CLSTN2: variants seen among roughly 807,000 people sequenced by gnomAD.
CLSTN2 encodes the protein calsyntenin-2.
CLSTN2 carries 48 observed loss-of-function variants against 101.2 expected under a neutral mutation model. That is an observed-to-expected ratio of 0.47 (90% CI 0.38 to 0.60). CLSTN2 has a LOEUF of 0.60. CLSTN2 is among the 20% of genes least tolerant of loss of function. CLSTN2 has a pLI of 0.00. For synonymous variants in CLSTN2, 481 were observed against 463.6 expected, an observed-to-expected ratio of 1.04 and a Z score of -0.48; for missense variants, 1,160 against 1,238.2, an observed-to-expected ratio of 0.94 and a Z score of 0.95.
At chr3:140,522,328 T>G (rs1935047883) in intron 8 of CLSTN2, among the ~76,000 whole-genome samples, 1 of 151,382 alleles carries the variant, frequency 6.6e-6, no homozygotes, top group Non-Finnish European at 1.5e-5. Flanking sequence ...TAATTGGCCA[T>G]GTTGGCCCCC....
chr3:140,341,570 C>G (rs1427592135), intron 2 of CLSTN2, among the ~76,000 whole-genome samples: 1 of 152,204 alleles, frequency 6.6e-6, no homozygotes, highest in Non-Finnish European at 1.5e-5. Context: ...AAGAAGGTTT[C>G]TATCCAGCCA....
At chr3:140,559,336 C>A (rs920694744) in intron 12 of CLSTN2, among the ~76,000 whole-genome samples, 2 of 151,900 alleles carry the variant, frequency 1.3e-5, no homozygotes, top group Non-Finnish European at 2.9e-5. Flanking sequence ...AGAAGAAAAG[C>A]TAAAGATATA....
intron 4 of CLSTN2, among the ~76,000 whole-genome samples, chr3:140,410,438 A>C (rs2088350728): frequency 6.7e-6 from 1 of 150,132 alleles, no homozygotes; most frequent in Non-Finnish European, 1.5e-5. Flanking sequence ...CCTACCAACC[A>C]AGGGTACTTT....
chr3:140,185,457 G>A (rs974059760), intron 2 of CLSTN2, among the ~76,000 whole-genome samples: 4 of 152,122 alleles, frequency 2.6e-5, no homozygotes, highest in Admixed American at 6.5e-5. Context: ...GGCATGCTTC[G>A]TCGACAAGTA....
intron 1 of CLSTN2, among the ~76,000 whole-genome samples, chr3:140,102,485 C>T (rs2107790660): frequency 6.6e-6 from 1 of 152,280 alleles, no homozygotes; most frequent in South Asian, 2.1e-4. Flanking sequence ...GATCATGAGA[C>T]ATATTGCAAA....
At chr3:140,081,537 T>C (rs1038805181) in intron 1 of CLSTN2, among the ~76,000 whole-genome samples, 5 of 152,192 alleles carry the variant, frequency 3.3e-5, no homozygotes, top group Admixed American at 6.5e-5. Context: ...GAGAGGAAAT[T>C]GCTCAGTTTC....
chr3:140,242,652 C>T (rs146754175), intron 2 of CLSTN2, among the ~76,000 whole-genome samples: 3,235 of 152,308 alleles, frequency 0.021, 67 homozygotes, highest in South Asian at 0.048. Flanking sequence ...CCTTCTCCTG[C>T]GGGCACTTAC....
intron 2 of CLSTN2, among the ~76,000 whole-genome samples, chr3:140,328,828 A>G (rs1267273362): frequency 1.3e-5 from 2 of 152,306 alleles, no homozygotes; most frequent in East Asian, 3.9e-4. Context: ...CATTAATATG[A>G]TGGAAAGGCT....
At chr3:140,351,790 TTG>T (rs2087609325) in intron 2 of CLSTN2, among the ~76,000 whole-genome samples, 1 of 117,884 alleles carries the variant, frequency 8.5e-6, no homozygotes, top group Non-Finnish European at 2.0e-5. Flanking sequence ...AGGTTTTGTT[TTG>T]TTTTTTTTTT....
intron 2 of CLSTN2, among the ~76,000 whole-genome samples, chr3:140,323,124 G>A (rs760759818): frequency 6.6e-6 from 1 of 152,202 alleles, no homozygotes; most frequent in Non-Finnish European, 1.5e-5. Flanking sequence ...AGAAAGCCAG[G>A]AAACGGAGGG....
At chr3:140,057,418 C>T (rs1327023000) in intron 1 of CLSTN2, among the ~76,000 whole-genome samples, 20 of 152,208 alleles carry the variant, frequency 1.3e-4, no homozygotes, top group Admixed American at 1.3e-3. Context: ...CATCTCTCTG[C>T]ACTTGTTGGC....
intron 2 of CLSTN2, among the ~76,000 whole-genome samples, chr3:140,193,604 A>G (rs994894773): frequency 3.3e-5 from 5 of 151,740 alleles, no homozygotes; most frequent in African/African-American, 1.2e-4. Flanking sequence ...TTTAATTGTG[A>G]TGTCTTTTCA....
intron 1 of CLSTN2, 45 bp from the exon 2 acceptor site, chr3:140,175,906 T>C: frequency 3.8e-6 from 6 of 1,575,420 alleles, no homozygotes; most frequent in Non-Finnish European, 5.2e-6. Flanking sequence ...ATGGGTTTGT[T>C]ATTTAAATAA....
At chr3:140,082,333 G>A (rs1226754719) in intron 1 of CLSTN2, among the ~76,000 whole-genome samples, 6 of 152,144 alleles carry the variant, frequency 3.9e-5, no homozygotes, top group Non-Finnish European at 8.8e-5. Flanking sequence ...GGCTGGCAGG[G>A]GGAATGATGG....
intron 4 of CLSTN2, among the ~76,000 whole-genome samples, chr3:140,406,434 A>G (rs1056966959): frequency 1.3e-5 from 2 of 152,270 alleles, no homozygotes; most frequent in African/African-American, 2.4e-5. Context: ...ATACCTGGAT[A>G]CCATGAGATA....
chr3:140,117,191 G>C (rs545530853), intron 1 of CLSTN2, among the ~76,000 whole-genome samples: 1 of 152,086 alleles, frequency 6.6e-6, no homozygotes, highest in Admixed American at 6.6e-5. Context: ...CCTTCTCCAC[G>C]ATGAAGAATG....
At chr3:140,429,678 A>G (rs980320448) in intron 5 of CLSTN2, among the ~76,000 whole-genome samples, 1 of 152,214 alleles carries the variant, frequency 6.6e-6, no homozygotes. Flanking sequence ...GCTGGAATGC[A>G]GAGACTCAGG....
intron 1 of CLSTN2, among the ~76,000 whole-genome samples, chr3:140,037,878 G>T (rs1324853187): frequency 2.6e-5 from 4 of 152,100 alleles, no homozygotes; most frequent in African/African-American, 7.2e-5. Context: ...ACATGATCTT[G>T]CTCCTTTATA....
At chr3:140,526,011 T>C (rs1028577041) in intron 8 of CLSTN2, among the ~76,000 whole-genome samples, 17 of 152,044 alleles carry the variant, frequency 1.1e-4, no homozygotes, top group African/African-American at 3.6e-4. Context: ...CCTTGAGAAC[T>C]AGAACAAGAC....
Sources: gnomAD v4.1 joint callset for allele counts (sites outside exome capture counted in the v4.1 genomes callset) on GRCh38, gnomAD v4.1.1 for gene constraint, MANE v1.5 for transcripts, NCBI Gene and HGNC (gene_info 2026-07-23, HGNC 2026-07-21) for gene names.